The following RGS22 variants were observed in gnomAD, a reference collection of about 807,000 sequenced individuals.
The protein encoded by RGS22 is regulator of G protein signaling 22.
A neutral mutation model predicts 172.9 loss-of-function variants in RGS22; 148 were observed. That is an observed-to-expected ratio of 0.86 (90% CI 0.75 to 0.98). RGS22 has a LOEUF of 0.98. Among genes scored for constraint, RGS22 ranks in the 50% least tolerant of loss-of-function variants. The probability of loss-of-function intolerance (pLI) is 0.00; values close to 1 mark genes in which losing one functional copy is unlikely to be tolerated. For missense variants in RGS22, 1,347 were observed against 1,440.8 expected (o/e 0.93, Z 1.05); for synonymous variants, 458 against 480.2 (o/e 0.95, Z 0.60).
chr8:100,069,487 A>G (rs1305049457), intron 6 of RGS22, among the ~76,000 whole-genome samples: 3 of 152,364 alleles, frequency 2.0e-5, no homozygotes, highest in Admixed American at 2.0e-4. Context: ...ATTTGATTCT[A>G]GGTTAAATCT....
chr8:100,103,294 C>T (rs1488312262), intron 2 of RGS22, among the ~76,000 whole-genome samples: 1 of 152,200 alleles, frequency 6.6e-6, no homozygotes, highest in African/African-American at 2.4e-5. Flanking sequence ...GTTAGGATTA[C>T]TACCAAAGTC....
intron 4 of RGS22, among the ~76,000 whole-genome samples, chr8:100,077,466 AT>A (rs1811438895): frequency 6.6e-6 from 1 of 152,168 alleles, no homozygotes; most frequent in Non-Finnish European, 1.5e-5. Flanking sequence ...ATAATTTTTA[AT>A]TTCCCTTGGG....
At chr8:100,091,435 A>C (rs1812578172) in intron 3 of RGS22, among the ~76,000 whole-genome samples, 1 of 152,174 alleles carries the variant, frequency 6.6e-6, no homozygotes, top group Admixed American at 6.5e-5. Context: ...AAACATTACT[A>C]CATAGAATTC....
intron 3 of RGS22, among the ~76,000 whole-genome samples, chr8:100,088,353 CCA>C (rs1404214631): frequency 6.6e-6 from 1 of 152,052 alleles, no homozygotes; most frequent in Non-Finnish European, 1.5e-5. Context: ...TTGAAACCAC[CCA>C]CAGAGGACCA....
At chr8:99,993,357 T>C (rs1286936844) in intron 20 of RGS22, among the ~76,000 whole-genome samples, 1 of 151,982 alleles carries the variant, frequency 6.6e-6, no homozygotes, top group Admixed American at 6.6e-5. Context: ...TCAACAAAAT[T>C]GATAGACTGC....
intron 3 of RGS22, among the ~76,000 whole-genome samples, chr8:100,081,578 T>A (rs578015609): frequency 6.6e-6 from 1 of 151,974 alleles, no homozygotes; most frequent in Non-Finnish European, 1.5e-5. Context: ...AAATTACATA[T>A]AAAATTTCTT....
rs548786598 is a variant in RGS22, at chr8:100,031,980, C to T, written c.2166+6951G>A. 5.0e-4 allele frequency among the ~76,000 whole-genome samples: 76 copies of T among 152,264 alleles called. No homozygotes were observed. The Middle Eastern group carries it at 0.01, about 21-fold the overall frequency. On this transcript the variant is annotated intron_variant, in intron 14 of 27. Coordinates refer to ENST00000360863, the MANE Select transcript of RGS22 (RefSeq NM_015668.5). ...ACAAGCAAATGCTGAGAGATTTTGT[C>T]ACCACCAGGCCTGCCTTACAAGAAC...
At chr8:100,038,773 C>A (rs2131589722) in intron 14 of RGS22, 158 bp downstream of exon 14, 4 of 421,728 alleles carry the variant, frequency 9.5e-6, no homozygotes, top group Admixed American at 8.4e-5. Context: ...TATTATAAAA[C>A]AATATTTTGC....
Position 100,063,523 on chromosome 8 carries a change from A to T in RGS22, c.1245T>A (p.Phe415Leu). 6.2e-7 allele frequency: 1 copy of T among 1,614,026 alleles called. No individual in the cohort carries two copies. Among genetic ancestry groups the T allele is most frequent in the Non-Finnish European group, 8.5e-7 (1 of 1,179,948 alleles). Reference sequence around the variant, plus strand: ...CTTTTATAAATTTCTTAAATCTTTCAAACTCCTTTCTATTGCCAATGTCAT... The same window carrying T: ...CTTTTATAAATTTCTTAAATCTTTCTAACTCCTTTCTATTGCCAATGTCAT... ...RTYDIGNRKE[F>L]ERFKKFIKGT... The change falls in exon 8 of 28, where the codon TTT (phenylalanine) becomes TTA (leucine). Residue 415 changes from phenylalanine to leucine, a missense_variant. Coordinates refer to ENST00000360863, the MANE Select transcript of RGS22 (RefSeq NM_015668.5).
intron 3 of RGS22, among the ~76,000 whole-genome samples, chr8:100,087,802 A>G (rs1812269929): frequency 6.6e-6 from 1 of 152,136 alleles, no homozygotes; most frequent in South Asian, 2.1e-4. Context: ...TTGTCATTTT[A>G]GATGTTTAAC....
intron 10 of RGS22, among the ~76,000 whole-genome samples, chr8:100,049,911 TG>T (rs1439684559): frequency 6.6e-6 from 1 of 151,686 alleles, no homozygotes; most frequent in Non-Finnish European, 1.5e-5. Flanking sequence ...TAGCCAGGCG[TG>T]GTGGTGGGTG....
At chr8:100,101,607 G>A (rs190085213) in intron 2 of RGS22, among the ~76,000 whole-genome samples, 535 of 151,624 alleles carry the variant, frequency 3.5e-3, no homozygotes, top group Non-Finnish European at 4.9e-3. Flanking sequence ...ATTTTAATGT[G>A]TAAATTTTGT....
At chr8:100,072,333 G>A in intron 4 of RGS22, 103 bp from the exon 5 acceptor site, 4 of 625,008 alleles carry the variant, frequency 6.4e-6, no homozygotes, top group African/African-American at 1.9e-5. Flanking sequence ...GCTGTCAGCA[G>A]GAGCCCTACC....
At chr8:99,967,896 G>A (rs1359268166) in intron 23 of RGS22, among the ~76,000 whole-genome samples, 1 of 152,230 alleles carries the variant, frequency 6.6e-6, no homozygotes, top group Non-Finnish European at 1.5e-5. Flanking sequence ...GGGACAGACT[G>A]CCTTCTCAAG....
chr8:100,072,095 G>A, intron 5 of RGS22, 50 bp downstream of exon 5: 1 of 1,101,240 alleles, frequency 9.1e-7, no homozygotes. Flanking sequence ...CAAATTGGGA[G>A]GCTAATATAT....
rs530464606 is a variant in RGS22 at position 99,976,523 on chromosome 8, G to A, written c.3519+1394C>T. On this transcript the variant is annotated intron_variant, in intron 23 of 27. Transcript: ENST00000360863. The stretch of plus-strand genomic sequence containing the variant: ...ACTACAGGCACCTGCCACCACGCCC[G>A]GCTAATTTTTTGTATTTTTAGTAGA... Among the ~76,000 whole-genome samples, 16 of 152,066 alleles carry A rather than the reference G, an allele frequency of 1.1e-4. No homozygotes were observed. The East Asian group carries it at 2.7e-3, about 26-fold the overall frequency.
chr8:100,047,188 T>C (rs1399328232), intron 11 of RGS22, among the ~76,000 whole-genome samples: 5 of 152,054 alleles, frequency 3.3e-5, no homozygotes, highest in Non-Finnish European at 5.9e-5. Flanking sequence ...AATTATTGAA[T>C]AGAGCCAAAA....
Position 100,005,682 on chromosome 8 carries a change from C to T in RGS22, c.2454+335G>A, listed in dbSNP as rs574463054. Among the ~76,000 whole-genome samples the T allele has an allele frequency of 3.9e-5, 6 of 152,150 alleles. No individual in the cohort carries two copies. In the South Asian group the frequency reaches 1.2e-3, roughly 32 times the overall value. On this transcript the variant is annotated intron_variant, in intron 16 of 27. Coordinates refer to ENST00000360863, the MANE Select transcript of RGS22 (RefSeq NM_015668.5). ...ATTTAACTGTTTTGTAACCTGACAA[C>T]AAATAGAAAGAGCAGCTGCCATATA...
rs1811048577 is a variant in RGS22, at chr8:100,072,339, C to T, written c.340-109G>A. On this transcript the variant is annotated intron_variant, in intron 4 of 27. Transcript: ENST00000360863. The stretch of plus-strand genomic sequence containing the variant: ...TGACCTCCAGCTGTCAGCAGGAGCC[C>T]TACCCCTAGGTCTTCTATTTCCACT... The T allele has an allele frequency of 5.0e-6, 3 of 597,854 alleles. No homozygotes were observed. In the Admixed American group the frequency reaches 1.0e-4, roughly 20 times the overall value. 37.0% of individuals were successfully genotyped at this position (597,854 alleles called of 1,614,324 possible). A position where few individuals can be genotyped will look rare whatever the true frequency, so the allele number is the denominator to read the frequency against.
Sources: gnomAD v4.1 joint callset for allele counts (sites outside exome capture counted in the v4.1 genomes callset) on GRCh38, gnomAD v4.1.1 for gene constraint, MANE v1.5 for transcripts, NCBI Gene and HGNC (gene_info 2026-07-23, HGNC 2026-07-21) for gene names.